The following CTDSPL variants were observed in gnomAD, a reference collection of about 807,000 sequenced individuals.
CTDSPL encodes the protein CTD small phosphatase like.
CTDSPL carries 8 observed loss-of-function variants against 30.5 expected under a neutral mutation model. That is an observed-to-expected ratio of 0.26 (90% CI 0.15 to 0.47). CTDSPL has a LOEUF of 0.47. Among genes scored for constraint, CTDSPL ranks in the 20% least tolerant of loss-of-function variants. The probability of loss-of-function intolerance (pLI) is 0.99; values close to 1 mark genes in which losing one functional copy is unlikely to be tolerated. For missense variants in CTDSPL, 248 were observed against 366.1 expected, an observed-to-expected ratio of 0.68 and a Z score of 2.63; for synonymous variants, 110 against 137.9, an observed-to-expected ratio of 0.80 and a Z score of 1.42.
chr3:37,957,897 CA>C (rs1345058206), intron 3 of CTDSPL, among the ~76,000 whole-genome samples: 1 of 152,170 alleles, frequency 6.6e-6, no homozygotes, highest in African/African-American at 2.4e-5. Context: ...GACCGACTCC[CA>C]AAAGAAATTT....
intron 1 of CTDSPL, among the ~76,000 whole-genome samples, chr3:37,895,797 A>G (rs1257049532): frequency 2.0e-5 from 3 of 152,210 alleles, no homozygotes; most frequent in African/African-American, 2.4e-5. Context: ...AAGAGTTTTT[A>G]CCCAGGTATA....
chr3:37,914,898 T>TTTTTTTTG (rs1384543568), intron 1 of CTDSPL, among the ~76,000 whole-genome samples: 3 of 105,826 alleles, frequency 2.8e-5, no homozygotes, highest in African/African-American at 6.3e-5. Flanking sequence ...TTTTTTTTTT[T>TTTTTTTTG]AGAGAAAGGG....
At chr3:37,925,554 T>C (rs909462925) in intron 1 of CTDSPL, among the ~76,000 whole-genome samples, 2 of 152,196 alleles carry the variant, frequency 1.3e-5, no homozygotes, top group African/African-American at 4.8e-5. Flanking sequence ...CTTCCTGGGC[T>C]TGCAACGTAT....
intron 1 of CTDSPL, among the ~76,000 whole-genome samples, chr3:37,925,121 C>G (rs1384058531): frequency 6.6e-6 from 1 of 152,200 alleles, no homozygotes; most frequent in East Asian, 1.9e-4. Context: ...CTCTGTCCAT[C>G]CTTCCTTGCT....
rs546890620 is a variant in CTDSPL at position 37,983,505 on chromosome 3, C to T, written c.*2638C>T. 1.3e-5 allele frequency: 2 copies of T among 152,682 alleles called. No individual in the cohort carries two copies. The highest frequency in any genetic ancestry group is 1.5e-5 in the Non-Finnish European group (1 of 68,024). 9.5% of individuals were successfully genotyped at this position (152,682 alleles called of 1,614,324 possible). A position where few individuals can be genotyped will look rare whatever the true frequency, so the allele number is the denominator to read the frequency against. On this transcript the variant is annotated 3_prime_UTR_variant, in exon 8 of 8. Transcript: ENST00000273179. ...GCCACTTCTCTGTGCCATATACTTC[C>T]CATGTTACCAAAATACCCCCAACTC... is the stretch of plus-strand genomic sequence containing the variant.
intron 1 of CTDSPL, among the ~76,000 whole-genome samples, chr3:37,882,208 C>T (rs1364682527): frequency 3.3e-5 from 5 of 151,788 alleles, no homozygotes; most frequent in African/African-American, 1.2e-4. Context: ...TTTGGGAGGC[C>T]GAGGCGGGCG....
At chr3:37,865,472 CTT>C (rs765306456) in intron 1 of CTDSPL, among the ~76,000 whole-genome samples, 1 of 152,190 alleles carries the variant, frequency 6.6e-6, no homozygotes, top group Non-Finnish European at 1.5e-5. Flanking sequence ...ACTTAATAGA[CTT>C]TTGTGAGAGA....
chr3:37,953,556 G>A (rs763646548), intron 2 of CTDSPL, among the ~76,000 whole-genome samples: 12 of 152,060 alleles, frequency 7.9e-5, no homozygotes, highest in Non-Finnish European at 1.5e-4. Context: ...TACAGATAAA[G>A]GAAGGTAGAA....
chr3:37,953,689 T>G (rs571417410), intron 2 of CTDSPL, among the ~76,000 whole-genome samples: 64 of 152,336 alleles, frequency 4.2e-4, no homozygotes, highest in African/African-American at 1.5e-3. Context: ...GGGCACTTTA[T>G]GACAAATGGT....
At position 37,984,256 on chromosome 3, in the gene CTDSPL, C is replaced by T; in HGVS notation, c.*3389C>T. ...CTGTTCCATTCTCCCAGGAGCTTCTCTGCAGACTGACACACCCTCCCCCAC... is the reference window on the plus strand; with the variant it reads ...CTGTTCCATTCTCCCAGGAGCTTCTTTGCAGACTGACACACCCTCCCCCAC... On this transcript the variant is annotated 3_prime_UTR_variant, in exon 8 of 8. Transcript: ENST00000273179. 1 of 450,606 alleles carries T rather than the reference C, an allele frequency of 2.2e-6. No homozygotes were observed. Among genetic ancestry groups the T allele is most frequent in the Non-Finnish European group, 4.4e-6 (1 of 224,792 alleles). The allele number at this position is 450,606 out of a possible 1,614,324, so 27.9% of individuals were successfully genotyped here. A position where few individuals can be genotyped will look rare whatever the true frequency, so the allele number is the denominator to read the frequency against.
At chr3:37,882,761 G>GGA (rs1297497034) in intron 1 of CTDSPL, among the ~76,000 whole-genome samples, 2 of 152,196 alleles carry the variant, frequency 1.3e-5, no homozygotes, top group African/African-American at 2.4e-5. Context: ...TCCTCCAATA[G>GGA]GAGAGTATTC....
chr3:37,885,480 T>G (rs1575281633), intron 1 of CTDSPL, among the ~76,000 whole-genome samples: 1 of 152,118 alleles, frequency 6.6e-6, no homozygotes, highest in Admixed American at 6.5e-5. Flanking sequence ...GGAAAGAAAG[T>G]TGACTCCTCA....
intron 1 of CTDSPL, among the ~76,000 whole-genome samples, chr3:37,870,791 A>G (rs77978709): frequency 0.014 from 2,104 of 152,224 alleles, 46 homozygotes; most frequent in African/African-American, 0.047. Flanking sequence ...CTTTTTAAAA[A>G]TATACTTTAT....
chr3:37,950,403 A>G (rs1699093439), intron 2 of CTDSPL, among the ~76,000 whole-genome samples: 1 of 152,256 alleles, frequency 6.6e-6, no homozygotes, highest in South Asian at 2.1e-4. Context: ...GAGAACTGTA[A>G]CGGACAACTC....
intron 1 of CTDSPL, among the ~76,000 whole-genome samples, chr3:37,912,389 T>A (rs772519004): frequency 5.3e-5 from 8 of 152,208 alleles, no homozygotes; most frequent in Non-Finnish European, 8.8e-5. Flanking sequence ...TTATAGGCCA[T>A]TTTGAATTAA....
intron 4 of CTDSPL, among the ~76,000 whole-genome samples, chr3:37,966,444 A>G (rs1188679844): frequency 6.6e-6 from 1 of 152,176 alleles, no homozygotes; most frequent in East Asian, 1.9e-4. Context: ...AGGAGAGAGG[A>G]GAGTAAGGGT....
intron 1 of CTDSPL, among the ~76,000 whole-genome samples, chr3:37,890,168 C>T (rs183589399): frequency 6.6e-6 from 1 of 152,268 alleles, no homozygotes; most frequent in African/African-American, 2.4e-5. Context: ...CACACATGTG[C>T]GGATGCATGC....
chr3:37,933,213 G>T (rs897322007), intron 1 of CTDSPL, among the ~76,000 whole-genome samples: 6 of 150,588 alleles, frequency 4.0e-5, no homozygotes, highest in Non-Finnish European at 8.8e-5. Flanking sequence ...TATTATTTTT[G>T]GAGTTTAAAA....
At chr3:37,886,392 A>C (rs1471609970) in intron 1 of CTDSPL, among the ~76,000 whole-genome samples, 1 of 152,106 alleles carries the variant, frequency 6.6e-6, no homozygotes, top group African/African-American at 2.4e-5. Flanking sequence ...CTGCCCTATC[A>C]CAATGACCAG....
Sources: allele counts gnomAD v4.1 joint callset (sites outside exome capture counted in the v4.1 genomes callset), GRCh38; gene constraint gnomAD v4.1.1; transcripts MANE v1.5; gene names NCBI Gene and HGNC (gene_info 2026-07-23, HGNC 2026-07-21).